CPAMD8: variants seen among roughly 807,000 people sequenced by gnomAD.
CPAMD8 encodes C3 and PZP-like alpha-2-macroglobulin domain-containing protein 8.
CPAMD8 carries 146 observed loss-of-function variants against 224.7 expected under a neutral mutation model. That is an observed-to-expected ratio of 0.65 (90% confidence interval 0.57 to 0.75). CPAMD8 has a LOEUF of 0.75. Among genes scored for constraint, CPAMD8 ranks in the 30% least tolerant of loss-of-function variants. The pLI, the probability that CPAMD8 is intolerant of heterozygous loss-of-function variation, is 0.00. For synonymous variants in CPAMD8, 966 were observed against 1,044.6 expected (o/e 0.92, Z 1.45); for missense variants, 2,301 against 2,537.5 (o/e 0.91, Z 2.00).
chr19:16,893,033 G>A lies in CPAMD8; in HGVS notation c.*75C>T. 3.8e-6 allele frequency: 3 copies of A among 783,980 alleles called. No homozygotes were observed. The highest frequency in any genetic ancestry group is 2.7e-5 in the South Asian group (2 of 73,854). The allele number at this position is 783,980 out of a possible 1,614,324, so 48.6% of individuals were successfully genotyped here. A position where few individuals can be genotyped will look rare whatever the true frequency, so the allele number is the denominator to read the frequency against. On this transcript the variant is annotated 3_prime_UTR_variant, in exon 42 of 42. Coordinates refer to ENST00000443236, the MANE Select transcript of CPAMD8 (RefSeq NM_015692.5). ...GAGTTTTCTGAGATGTTAACCACAG[G>A]CACAAGCTGGGTGTGTGGGTATGAA...
At chr19:17,019,976 T>C (rs556531956) in intron 3 of CPAMD8, among the ~76,000 whole-genome samples, 108 of 147,004 alleles carry the variant, frequency 7.3e-4, no homozygotes, top group African/African-American at 2.5e-3. Context: ...CTTTTCTTTT[T>C]TTTTTTTTTT....
At chr19:17,023,089 C>T (rs1217264245) in intron 1 of CPAMD8, among the ~76,000 whole-genome samples, 1 of 152,004 alleles carries the variant, frequency 6.6e-6, no homozygotes, top group Non-Finnish European at 1.5e-5. Context: ...AAGAACAAAC[C>T]CTGAAAACAA....
In CPAMD8 at chr19:16,896,652, G is replaced by T; in HGVS notation, c.5079C>A (p.Gly1693=). The T allele has an allele frequency of 1.4e-6, 2 of 1,460,504 alleles. No homozygotes were observed. Among genetic ancestry groups the T allele is most frequent in the African/African-American group, 1.5e-5 (1 of 68,936 alleles). The allele number at this position is 1,460,504 out of a possible 1,614,324, so 90.5% of individuals were successfully genotyped here. ...CAGGGGCCACGGCAGGGCCCGACTC[G>T]CCGGGGAACCAGCCTGGGGGACGAG... ...APARGPGWFP[G]ESGPAVAPEE... The change falls in exon 40 of 42, where the codon GGC becomes GGA. Residue 1693 remains glycine, a synonymous_variant. Transcript: ENST00000443236.
In CPAMD8 at chr19:16,990,592, C is replaced by T. The variant is rs572215416; in HGVS notation, c.1267-821G>A. On this transcript the variant is annotated intron_variant, in intron 12 of 41. Transcript: ENST00000443236. ...TTTTAAAAAGAAGTTGGGCCAGGCG[C>T]GATGGCTCACGCCTGTAATCCCACC... Among the ~76,000 whole-genome samples the T allele has an allele frequency of 2.2e-4, 33 of 152,014 alleles. No individual in the cohort carries two copies. In the South Asian group the frequency reaches 5.8e-3, roughly 27 times the overall value.
At position 17,017,414 on chromosome 19, in the gene CPAMD8, G is replaced by A. The variant is rs1027649520; in HGVS notation, c.267+2917C>T. Among the ~76,000 whole-genome samples the A allele has an allele frequency of 5.9e-5, 9 of 152,192 alleles. No homozygotes were observed. The East Asian group carries it at 1.2e-3, about 20-fold the overall frequency. On this transcript the variant is annotated intron_variant, in intron 3 of 41. Coordinates refer to ENST00000443236, the MANE Select transcript of CPAMD8 (RefSeq NM_015692.5). Reference sequence around the variant, plus strand: ...AACCATTTCTTCTGCTCCCTGGTCCGTGGAAAAAACTGTCTTCCATGAAAC... The same window carrying A: ...AACCATTTCTTCTGCTCCCTGGTCCATGGAAAAAACTGTCTTCCATGAAAC...
intron 7 of CPAMD8, among the ~76,000 whole-genome samples, chr19:17,004,746 A>C (rs1361518538): frequency 6.6e-6 from 1 of 151,874 alleles, no homozygotes; most frequent in Non-Finnish European, 1.5e-5. Context: ...CAGCCTGGGC[A>C]CTACTGACAC....
At position 16,907,001 on chromosome 19, in the gene CPAMD8, C is replaced by T. The variant is rs200048344; in HGVS notation, c.3978G>A (p.Pro1326=). The T allele has an allele frequency of 1.5e-4, 237 of 1,602,040 alleles. No individual in the cohort carries two copies. The African/African-American group carries it at 1.6e-3, about 11-fold the overall frequency. Residue 1326 remains proline, a synonymous_variant, in exon 30 of 42, where the codon CCG becomes CCA. Transcript: ENST00000443236. ...TTYALTLLRS[P]AAPEALRKLR... ...GCTTGCGCAGTGCCTCAGGGGCTGC[C>T]GGGCTGCGGAGCAGGGTCAGCGCGT...
chr19:16,919,463 A>C (rs1464351662), intron 27 of CPAMD8, among the ~76,000 whole-genome samples: 1 of 152,244 alleles, frequency 6.6e-6, no homozygotes, highest in Non-Finnish European at 1.5e-5. Flanking sequence ...GCCCCAGTAG[A>C]GCCTTCAGAT....
intron 13 of CPAMD8, among the ~76,000 whole-genome samples, chr19:16,982,895 G>A (rs2055565459): frequency 6.6e-6 from 1 of 152,156 alleles, no homozygotes; most frequent in Non-Finnish European, 1.5e-5. Flanking sequence ...TTCTGGGAGG[G>A]ACCCAGTGGG....
At chr19:16,950,023 C>A (rs1205111997) in intron 20 of CPAMD8, among the ~76,000 whole-genome samples, 1 of 152,138 alleles carries the variant, frequency 6.6e-6, no homozygotes, top group Non-Finnish European at 1.5e-5. Flanking sequence ...GGTGGCCAGG[C>A]GTGGTGGCTC....
At chr19:16,959,846 G>A (rs920259417) in intron 18 of CPAMD8, among the ~76,000 whole-genome samples, 22 of 152,100 alleles carry the variant, frequency 1.4e-4, no homozygotes, top group African/African-American at 3.6e-4. Flanking sequence ...GCCTGCATGT[G>A]TATCTTCTTT....
chr19:17,018,149 C>T (rs1478979269), intron 3 of CPAMD8, among the ~76,000 whole-genome samples: 3 of 152,048 alleles, frequency 2.0e-5, no homozygotes, highest in African/African-American at 7.2e-5. Flanking sequence ...GAGATGGGCG[C>T]CTTATAATTT....
rs2052431582 is a variant in CPAMD8 at position 16,905,444 on chromosome 19, G to C, written c.4028-892C>G. The stretch of plus-strand genomic sequence containing the variant: ...AAAATACAAAAAATTAGCTGGGCAT[G>C]GTGGTGCATGCCTGTAATCCTGGCT... On this transcript the variant is annotated intron_variant, in intron 30 of 41. Coordinates refer to ENST00000443236, the MANE Select transcript of CPAMD8 (RefSeq NM_015692.5). Among the ~76,000 whole-genome samples the C allele has an allele frequency of 2.0e-5, 3 of 148,574 alleles. No individual in the cohort carries two copies. The Admixed American group carries it at 2.0e-4, about 10-fold the overall frequency.
chr19:16,904,194 TG>T, intron 32 of CPAMD8, 31 bp downstream of exon 32: 5 of 313,812 alleles, frequency 1.6e-5, no homozygotes, highest in East Asian at 1.5e-4. Context: ...CACCCAGCCC[TG>T]AGCCCCTCCC....
chr19:16,913,369 C>T (rs2052801582), intron 29 of CPAMD8, among the ~76,000 whole-genome samples: 4 of 152,008 alleles, frequency 2.6e-5, no homozygotes, highest in Non-Finnish European at 2.9e-5. Context: ...AGGATGGGGC[C>T]TCCAAAATAA....
intron 12 of CPAMD8, among the ~76,000 whole-genome samples, 193 bp downstream of exon 12, chr19:16,993,223 C>T (rs905475756): frequency 6.6e-6 from 1 of 152,160 alleles, no homozygotes; most frequent in African/African-American, 2.4e-5. Context: ...GTCCAGGCAC[C>T]CTTATCTCTC....
intron 8 of CPAMD8, 79 bp from the exon 9 acceptor site, chr19:17,002,429 G>T: frequency 2.2e-6 from 2 of 902,636 alleles, no homozygotes; most frequent in South Asian, 1.4e-5. Context: ...GGTGCAAGGT[G>T]TCTGAGGACC....
chr19:16,970,320 C>T (rs1465183578), intron 18 of CPAMD8, among the ~76,000 whole-genome samples: 4 of 151,762 alleles, frequency 2.6e-5, no homozygotes, highest in African/African-American at 9.7e-5. Context: ...GGTACAGTGA[C>T]TCACACCTGT....
intron 23 of CPAMD8, among the ~76,000 whole-genome samples, chr19:16,936,177 C>T (rs1450739792): frequency 6.6e-6 from 1 of 152,138 alleles, no homozygotes. Context: ...CTCCACCCAC[C>T]TTGGCCTCTC....
Sources: allele counts gnomAD v4.1 joint callset (sites outside exome capture counted in the v4.1 genomes callset), GRCh38; gene constraint gnomAD v4.1.1; transcripts MANE v1.5; gene names NCBI Gene and HGNC (gene_info 2026-07-23, HGNC 2026-07-21).